Variants in USH2A observed in about 807,000 individuals in gnomAD.
USH2A encodes the protein usherin, also known as Usher syndrome 2A (autosomal recessive, mild).
Under a neutral mutation model 538.9 loss-of-function variants are expected in USH2A, and 443 were observed. The ratio of observed to expected loss-of-function variants is 0.82; its 90% CI spans 0.76 to 0.89. The LOEUF (loss-of-function observed/expected upper bound fraction) is 0.89, where lower values mean the gene tolerates loss of function less well. Among genes scored for constraint, USH2A ranks in the 40% least tolerant of loss-of-function variants. The pLI is 0.00. For synonymous variants in USH2A, 2,413 were observed against 2,273.5 expected (o/e 1.06, Z -1.75); for missense variants, 6,633 against 6,324.8 (o/e 1.05, Z -1.65).
At chr1:215,829,090 G>A (rs933012321) in intron 47 of USH2A, among the ~76,000 whole-genome samples, 4 of 151,988 alleles carry the variant, frequency 2.6e-5, no homozygotes, top group East Asian at 1.9e-4. Flanking sequence ...AGACATGTCC[G>A]GGTTATCGAT....
chr1:216,106,267 C>A (rs1386017471), intron 21 of USH2A, among the ~76,000 whole-genome samples: 5 of 145,360 alleles, frequency 3.4e-5, no homozygotes, highest in Non-Finnish European at 7.5e-5. Context: ...GTTTTACGGC[C>A]CAGCATATTA....
At chr1:216,093,923 T>C (rs1487279489) in intron 22 of USH2A, among the ~76,000 whole-genome samples, 2 of 152,204 alleles carry the variant, frequency 1.3e-5, no homozygotes, top group African/African-American at 2.4e-5. Flanking sequence ...TCTATGACCG[T>C]AGTTAAGCCA....
At chr1:215,717,828 C>T (rs964213529) in intron 61 of USH2A, among the ~76,000 whole-genome samples, 8 of 152,056 alleles carry the variant, frequency 5.3e-5, no homozygotes, top group African/African-American at 1.7e-4. Context: ...TTGCTGATGT[C>T]CAGTGTAGGT....
chr1:215,921,751 T>C (rs533377163), intron 38 of USH2A, among the ~76,000 whole-genome samples: 17 of 152,214 alleles, frequency 1.1e-4, no homozygotes, highest in African/African-American at 3.6e-4. Context: ...TGACCTTTAC[T>C]AGTTGCAAGC....
chr1:216,335,348 A>G (rs2037948033), intron 4 of USH2A, among the ~76,000 whole-genome samples: 1 of 151,584 alleles, frequency 6.6e-6, no homozygotes, highest in Non-Finnish European at 1.5e-5. Flanking sequence ...AATTTATTAA[A>G]TCAATAACCT....
At chr1:216,071,705 A>G (rs1187333887) in intron 29 of USH2A, among the ~76,000 whole-genome samples, 1 of 152,178 alleles carries the variant, frequency 6.6e-6, no homozygotes, top group Non-Finnish European at 1.5e-5. Context: ...CCAGACGCCT[A>G]TTAATGTTGC....
intron 32 of USH2A, among the ~76,000 whole-genome samples, chr1:216,004,194 C>T (rs1668338242): frequency 6.6e-6 from 1 of 152,110 alleles, no homozygotes. Context: ...GATATTTGAA[C>T]AGAAGTTTGG....
chr1:216,016,718 G>C (rs1668720886), intron 32 of USH2A, among the ~76,000 whole-genome samples: 1 of 152,086 alleles, frequency 6.6e-6, no homozygotes, highest in African/African-American at 2.4e-5. Flanking sequence ...CCTAATTGTT[G>C]AATAGTAAAA....
chr1:216,010,424 G>A (rs1360037831), intron 32 of USH2A, among the ~76,000 whole-genome samples: 1 of 151,978 alleles, frequency 6.6e-6, no homozygotes, highest in African/African-American at 2.4e-5. Context: ...CTGGAACTCT[G>A]GCCCAAGGTT....
intron 60 of USH2A, among the ~76,000 whole-genome samples, chr1:215,735,384 A>G (rs1660128179): frequency 2.6e-5 from 4 of 152,236 alleles, no homozygotes; most frequent in Non-Finnish European, 5.9e-5. Flanking sequence ...TATTTATATT[A>G]AATTCCTTCT....
chr1:215,647,632 G>T lies in USH2A; in HGVS notation c.14681C>A (p.Ala4894Asp), dbSNP rs1656899740. ...GTAGGGCTGGAGACCCCCAAGGCTG[G>T]CTTTCTGCCCCAGCCCCGTGTACTT... ...ETKYTGLGQK[A>D]SLGGLQPYTT... Residue 4894 changes from alanine to aspartate, a missense_variant, in exon 67 of 72, where the codon GCC (alanine) becomes GAC (aspartate). By Grantham distance (126) the Ala-to-Asp change is moderately radical (BLOSUM62 -2). Transcript: ENST00000307340. The T allele has an allele frequency of 6.2e-7, 1 of 1,614,174 alleles. No individual in the cohort carries two copies. The highest frequency in any genetic ancestry group is 8.5e-7 in the Non-Finnish European group (1 of 1,180,040).
intron 36 of USH2A, among the ~76,000 whole-genome samples, chr1:215,966,806 CAAATA>C (rs1268082599): frequency 6.6e-6 from 1 of 151,922 alleles, no homozygotes; most frequent in East Asian, 1.9e-4. Flanking sequence ...TAAAGCATTC[CAAATA>C]AAATGAGACT....
chr1:216,328,230 T>C lies in USH2A; in HGVS notation c.785-576A>G, dbSNP rs183309356. On this transcript the variant is annotated intron_variant, in intron 4 of 71. Coordinates refer to ENST00000307340, the MANE Select transcript of USH2A (RefSeq NM_206933.4). ...ATATATCAATAGTATCATAGTTCAC[T>C]CTCAGAATTTTATTGCCTCAGGGAA... Among the ~76,000 whole-genome samples, 593 of 152,310 alleles carry C rather than the reference T, an allele frequency of 3.9e-3. 8 individuals carry two copies. Among genetic ancestry groups the C allele is most frequent in the Admixed American group, 0.021 (316 of 15,278 alleles).
Position 216,327,518 on chromosome 1 carries a change from T to C in USH2A, c.848+73A>G, listed in dbSNP as rs2037758696. ...AAGATAAAAAATGGTATAATCTACA[T>C]AGTATTCTTATTTAAGTGAATTCAG... On this transcript the variant is annotated intron_variant, in intron 5 of 71. Transcript: ENST00000307340. The C allele has an allele frequency of 2.6e-6, 4 of 1,521,956 alleles. No homozygotes were observed. The South Asian group carries it at 3.4e-5, about 13-fold the overall frequency. 94.3% of individuals were successfully genotyped at this position (1,521,956 alleles called of 1,614,324 possible). A position where few individuals can be genotyped will look rare whatever the true frequency, so the allele number is the denominator to read the frequency against.
At position 216,097,184 on chromosome 1, in the gene USH2A, G is replaced by C; in HGVS notation, c.4657C>G (p.Pro1553Ala). ...GCTGCAAAGACAATCAAACCTTCAG[G>C]CACTTTTGTTCGAAAGCTGGCCTTA... is the stretch of plus-strand genomic sequence containing the variant. ...GIKASFRTKV[P>A]EGLIVFAASP... The change falls in exon 22 of 72, where the codon CCT becomes GCT. Residue 1553 changes from proline to alanine, a missense_variant. Transcript: ENST00000307340. 1.2e-6 allele frequency: 2 copies of C among 1,614,118 alleles called. No homozygotes were observed.
rs572023655 is a variant in USH2A, at chr1:215,774,361, A to G, written c.10939+5482T>C. On this transcript the variant is annotated intron_variant, in intron 55 of 71. Coordinates refer to ENST00000307340, the MANE Select transcript of USH2A (RefSeq NM_206933.4). ...TACTTCTTTGGCAGACTCTCTTTAG[A>G]TATACATCAGCATTAAGACTATTAT... Among the ~76,000 whole-genome samples the G allele has an allele frequency of 2.0e-5, 3 of 151,814 alleles. No individual in the cohort carries two copies. The South Asian group carries it at 6.3e-4, about 32-fold the overall frequency.
At chr1:215,848,520 C>T (rs138156954) in intron 44 of USH2A, among the ~76,000 whole-genome samples, 4 of 152,252 alleles carry the variant, frequency 2.6e-5, no homozygotes, top group Non-Finnish European at 5.9e-5. Flanking sequence ...GGATGAGACC[C>T]CATTAAATGT....
At chr1:216,404,209 ATT>A (rs1386268107) in intron 3 of USH2A, among the ~76,000 whole-genome samples, 2 of 152,084 alleles carry the variant, frequency 1.3e-5, no homozygotes, top group Non-Finnish European at 2.9e-5. Flanking sequence ...ATAGTAAAAG[ATT>A]TCAAATCACT....
At chr1:216,164,800 C>T (rs1205157527) in intron 21 of USH2A, among the ~76,000 whole-genome samples, 2 of 152,100 alleles carry the variant, frequency 1.3e-5, no homozygotes, top group Non-Finnish European at 2.9e-5. Flanking sequence ...AATGGAAAGG[C>T]ACATAATTGA....
Sources: allele counts gnomAD v4.1 joint callset (sites outside exome capture counted in the v4.1 genomes callset), GRCh38; gene constraint gnomAD v4.1.1; transcripts MANE v1.5; gene names NCBI Gene and HGNC (gene_info 2026-07-23, HGNC 2026-07-21).